Variants in DSCAML1 observed in about 807,000 individuals in gnomAD.
The protein encoded by DSCAML1 is DS cell adhesion molecule like 1, also known as cell adhesion molecule DSCAML1.
DSCAML1 carries 38 observed loss-of-function variants against 200.5 expected under a neutral mutation model. That is an observed-to-expected ratio of 0.19 (90% CI 0.15 to 0.25). The LOEUF (loss-of-function observed/expected upper bound fraction) is 0.25, where lower values mean the gene tolerates loss of function less well. Among genes scored for constraint, DSCAML1 ranks in the 10% least tolerant of loss-of-function variants. DSCAML1 has a pLI of 1.00. For synonymous variants in DSCAML1, 1,215 were observed against 1,165.0 expected (o/e 1.04, Z -0.87); for missense variants, 2,223 against 2,858.8 (o/e 0.78, Z 5.07).
chr11:117,518,325 G>A lies in DSCAML1; in HGVS notation c.1510+141C>T. ...GCGCTTGAGGAGGGCAGGAAAAGGG[G>A]ACGAGAGAGGGGAGAGAGACCTCTA... On this transcript the variant is annotated intron_variant, in intron 7 of 32. Coordinates refer to ENST00000651296, the MANE Select transcript of DSCAML1 (RefSeq NM_020693.4). The surrounding 1 kb of genome is among the most constrained non-coding windows in gnomAD (Gnocchi z 6.3). 8.6e-7 allele frequency: 1 copy of A among 1,156,846 alleles called. No individual in the cohort carries two copies. 71.7% of individuals were successfully genotyped at this position (1,156,846 alleles called of 1,614,324 possible). A position where few individuals can be genotyped will look rare whatever the true frequency, so the allele number is the denominator to read the frequency against.
chr11:117,717,545 C>A (rs1014137471), intron 3 of DSCAML1, among the ~76,000 whole-genome samples: 1 of 152,168 alleles, frequency 6.6e-6, no homozygotes, highest in Non-Finnish European at 1.5e-5. Context: ...AATAAAAGAC[C>A]CTGACGATCA....
At chr11:117,627,516 C>T (rs974707019) in intron 3 of DSCAML1, among the ~76,000 whole-genome samples, 1 of 152,126 alleles carries the variant, frequency 6.6e-6, no homozygotes, top group South Asian at 2.1e-4. Context: ...ACACTCGTGC[C>T]TTCCCCTGAG....
rs574618373 is a variant in DSCAML1, at chr11:117,802,928, A to G, written c.-250+14462T>C. 4.6e-5 allele frequency among the ~76,000 whole-genome samples: 7 copies of G among 152,320 alleles called. No homozygotes were observed. In the South Asian group the frequency reaches 1.5e-3, roughly 32 times the overall value. ...ATGACACTTACACAGCTCAAGCTTC[A>G]GATTCCTTTAGGGCCCTAGTAATGT... On this transcript the variant is annotated intron_variant, in intron 1 of 2. Transcript: ENST00000525836.
chr11:117,547,469 A>T (rs923835591), intron 3 of DSCAML1, among the ~76,000 whole-genome samples: 2 of 142,784 alleles, frequency 1.4e-5, no homozygotes, highest in African/African-American at 5.2e-5. Flanking sequence ...TCCTGCCCTG[A>T]AGGACCGCCC....
In DSCAML1 at chr11:117,797,147, C is replaced by A. The variant is rs767847964; in HGVS notation, c.-68G>T. The A allele has an allele frequency of 4.4e-6, 7 of 1,589,016 alleles. No individual in the cohort carries two copies. Among genetic ancestry groups the A allele is most frequent in the South Asian group, 2.3e-5 (2 of 88,026 alleles). On this transcript the variant is annotated 5_prime_UTR_variant, in exon 1 of 33. Coordinates refer to ENST00000651296, the MANE Select transcript of DSCAML1 (RefSeq NM_020693.4). ...CGGCCGTGCGGCAGCGCCTCTCCCC[C>A]GCTCAGCGCGCTCCCAGCCGCCCGC...
chr11:117,581,098 G>A (rs2051029727), intron 3 of DSCAML1, among the ~76,000 whole-genome samples: 3 of 152,218 alleles, frequency 2.0e-5, no homozygotes, highest in African/African-American at 2.4e-5. Context: ...TCACTGAGCC[G>A]AAGCCTCCTC....
intron 26 of DSCAML1, among the ~76,000 whole-genome samples, 164 bp from the exon 27 acceptor site, chr11:117,435,963 G>C (rs954189465): frequency 3.9e-5 from 6 of 152,118 alleles, no homozygotes; most frequent in African/African-American, 1.4e-4. Flanking sequence ...CCCAAATTCT[G>C]GTCCTATCAG....
intron 3 of DSCAML1, among the ~76,000 whole-genome samples, chr11:117,671,014 G>A (rs1053575323): frequency 6.6e-5 from 10 of 152,256 alleles, no homozygotes; most frequent in South Asian, 2.1e-4. Context: ...GTTGAAAGAG[G>A]TGCACATTTG....
chr11:117,726,910 C>T (rs2054142455), intron 3 of DSCAML1, among the ~76,000 whole-genome samples: 1 of 152,074 alleles, frequency 6.6e-6, no homozygotes, highest in African/African-American at 2.4e-5. Context: ...AAAGCAACAG[C>T]ATGACATATT....
At chr11:117,494,415 C>T (rs2049251861) in intron 11 of DSCAML1, among the ~76,000 whole-genome samples, 1 of 152,194 alleles carries the variant, frequency 6.6e-6, no homozygotes, top group Admixed American at 6.5e-5. Context: ...AGATTTTGTG[C>T]ACAGGAGTGT....
intron 3 of DSCAML1, among the ~76,000 whole-genome samples, chr11:117,768,036 A>C (rs1173831914): frequency 6.6e-6 from 1 of 152,180 alleles, no homozygotes; most frequent in East Asian, 1.9e-4. Flanking sequence ...AAAATGGGCA[A>C]GGTAACGGGG....
chr11:117,627,240 G>GC (rs1182398179), intron 3 of DSCAML1, among the ~76,000 whole-genome samples: 1 of 152,012 alleles, frequency 6.6e-6, no homozygotes, highest in Non-Finnish European at 1.5e-5. Flanking sequence ...TTTCCCTTCC[G>GC]CCCCCGGTCT....
At chr11:117,637,303 G>T (rs995634837) in intron 3 of DSCAML1, among the ~76,000 whole-genome samples, 5 of 151,990 alleles carry the variant, frequency 3.3e-5, no homozygotes, top group African/African-American at 1.2e-4. Context: ...CCCTGTCCAT[G>T]GTGGTATCCC....
intron 3 of DSCAML1, among the ~76,000 whole-genome samples, chr11:117,600,741 C>T (rs1057378363): frequency 2.6e-5 from 4 of 152,226 alleles, no homozygotes; most frequent in Non-Finnish European, 4.4e-5. Flanking sequence ...AGCCGTGCCA[C>T]GTGGCTGTGG....
chr11:117,580,541 C>G (rs12223674), intron 3 of DSCAML1, among the ~76,000 whole-genome samples: 25,295 of 151,762 alleles, frequency 0.17, 2,692 homozygotes, highest in Admixed American at 0.25. Context: ...GCATGAGAGG[C>G]TCTTTGTGAT....
chr11:117,731,279 A>G (rs906266091), intron 3 of DSCAML1, among the ~76,000 whole-genome samples: 1 of 152,176 alleles, frequency 6.6e-6, no homozygotes, highest in Non-Finnish European at 1.5e-5. Flanking sequence ...AAAGAACCGC[A>G]GCCCTCTGGT....
chr11:117,802,208 C>T (rs1180596478), upstream of DSCAML1, among the ~76,000 whole-genome samples: 1 of 152,138 alleles, frequency 6.6e-6, no homozygotes, highest in East Asian at 1.9e-4. Flanking sequence ...TACCCAGTGC[C>T]CCCCTTTTTC....
intron 3 of DSCAML1, among the ~76,000 whole-genome samples, chr11:117,739,464 T>A (rs952634900): frequency 2.6e-5 from 4 of 152,220 alleles, no homozygotes; most frequent in Non-Finnish European, 5.9e-5. Context: ...TGGGAATGGA[T>A]AATGAGATAA....
chr11:117,541,390 C>T (rs2050266153), intron 3 of DSCAML1, among the ~76,000 whole-genome samples: 1 of 152,192 alleles, frequency 6.6e-6, no homozygotes, highest in Non-Finnish European at 1.5e-5. Context: ...AGACATCTTG[C>T]ACACAGCAGA....
Sources: gnomAD v4.1 joint callset for allele counts (sites outside exome capture counted in the v4.1 genomes callset) on GRCh38, gnomAD v4.1.1 for gene constraint, Gnocchi (gnomAD v3.1) non-coding constraint, MANE v1.5 for transcripts, NCBI Gene and HGNC (gene_info 2026-07-23, HGNC 2026-07-21) for gene names.